AMZ1: variants seen among roughly 807,000 people sequenced by gnomAD.
AMZ1 encodes archaelysin family metallopeptidase 1.
In AMZ1, 39 loss-of-function variants were observed where a neutral mutation model predicts 29.9. That is an observed-to-expected ratio of 1.30 (90% CI 1.01 to 1.70). The LOEUF (loss-of-function observed/expected upper bound fraction) is 1.70. AMZ1 is among the 40% of genes most tolerant of loss of function. The pLI, the probability that AMZ1 is intolerant of heterozygous loss-of-function variation, is 0.00. For synonymous variants in AMZ1, 458 were observed against 304.0 expected (o/e 1.51, Z -5.27); for missense variants, 1,041 against 680.6 (o/e 1.53, Z -5.89).
chr7:2,732,611 C>CA (rs1178977784), intron 4 of AMZ1, among the ~76,000 whole-genome samples: 2 of 152,114 alleles, frequency 1.3e-5, no homozygotes, highest in Non-Finnish European at 2.9e-5. Flanking sequence ...GTGCACACAC[C>CA]ACTCAGGCAG....
chr7:2,753,390 A>G (rs1382139187), intron 4 of AMZ1, among the ~76,000 whole-genome samples: 1 of 68,158 alleles, frequency 1.5e-5, no homozygotes, highest in Non-Finnish European at 3.6e-5. Flanking sequence ...GGCTCAAGCC[A>G]TCCTCCCAAA....
At chr7:2,710,480 C>T (rs915719597) in intron 6 of AMZ1, among the ~76,000 whole-genome samples, 1 of 152,184 alleles carries the variant, frequency 6.6e-6, no homozygotes, top group Non-Finnish European at 1.5e-5. Flanking sequence ...CTGGAAAGCC[C>T]CTGCATCCTC....
At chr7:2,696,296 A>G (rs142738915) in intron 1 of AMZ1, among the ~76,000 whole-genome samples, 25,014 of 137,510 alleles carry the variant, frequency 0.18, 2,358 homozygotes, top group South Asian at 0.27. Flanking sequence ...TCGCTCTGTC[A>G]CCCAGGCTGG....
chr7:2,696,793 G>A (rs2115082715), intron 1 of AMZ1, among the ~76,000 whole-genome samples: 1 of 152,160 alleles, frequency 6.6e-6, no homozygotes, highest in South Asian at 2.1e-4. Flanking sequence ...GGCTAAGGCA[G>A]GAGAATCGCT....
downstream of AMZ1, among the ~76,000 whole-genome samples, chr7:2,721,242 G>A (rs370125145): frequency 5.8e-4 from 88 of 152,328 alleles, no homozygotes; most frequent in African/African-American, 1.9e-3. Context: ...AGGGACTAAG[G>A]CCTGAGCCGG....
intron 4 of AMZ1, among the ~76,000 whole-genome samples, chr7:2,757,129 C>T (rs798496): frequency 0.2 from 18,723 of 94,258 alleles, 2,806 homozygotes; most frequent in Non-Finnish European, 0.26. Flanking sequence ...TCAGGTGGGC[C>T]TTTTTTTTTT....
upstream of AMZ1, among the ~76,000 whole-genome samples, chr7:2,684,827 A>G (rs890250292): frequency 6.6e-6 from 1 of 151,144 alleles, no homozygotes; most frequent in African/African-American, 2.4e-5. Context: ...GGGCTGACCC[A>G]ACAGACAGAG....
intron 4 of AMZ1, among the ~76,000 whole-genome samples, chr7:2,725,435 C>T (rs1272249125): frequency 4.6e-5 from 7 of 152,228 alleles, no homozygotes; most frequent in Admixed American, 4.6e-4. Flanking sequence ...AATACTGCAG[C>T]CCAGAAATCC....
chr7:2,686,978 G>A (rs376796453), upstream of AMZ1, among the ~76,000 whole-genome samples: 153 of 151,934 alleles, frequency 1.0e-3, 1 homozygote, highest in African/African-American at 3.6e-3. Context: ...CTCCCAAAGT[G>A]CTGGGATTAC....
intron 4 of AMZ1, 99 bp downstream of exon 4, chr7:2,708,815 C>A (rs113438503): frequency 6.4e-6 from 10 of 1,566,008 alleles, no homozygotes; most frequent in Non-Finnish European, 8.7e-6. Context: ...GCTTCAAGCA[C>A]CCTCCTGGTG....
rs1788564922 is a variant in AMZ1 at position 2,709,057 on chromosome 7, C to T, written c.602-18C>T. The T allele has an allele frequency of 6.4e-7, 1 of 1,552,806 alleles. No homozygotes were observed. The highest frequency in any genetic ancestry group is 8.7e-7 in the Non-Finnish European group (1 of 1,151,342). ...AAGGCTGACCCCTGAGAGTGCCCTT[C>T]TCTCCATCTCTCTCCAGAAGTGGGC... is the stretch of plus-strand genomic sequence containing the variant. On this transcript the variant is annotated intron_variant, in intron 4 of 6. Transcript: ENST00000683327.
At position 2,719,606 on chromosome 7, in the gene AMZ1, AAATT is replaced by A. The variant is rs1413470042; in HGVS notation, c.*6729_*6732del. 1.3e-4 allele frequency among the ~76,000 whole-genome samples: 20 copies of A among 152,336 alleles called. No homozygotes were observed. The highest frequency in any genetic ancestry group is 3.9e-4 in the East Asian group (2 of 5,190). On this transcript the variant is annotated 3_prime_UTR_variant, in exon 7 of 7. Transcript: ENST00000683327. The stretch of plus-strand genomic sequence containing the variant: ...GATGGACGACTTTGATATACAAAAT[AAATT>A]GTTACTCAGCTTTTCTATAATGCTT...
chr7:2,763,897 T>G (rs903707722), upstream of AMZ1, among the ~76,000 whole-genome samples: 7 of 152,210 alleles, frequency 4.6e-5, no homozygotes, highest in Admixed American at 3.3e-4. Flanking sequence ...GGAGCTCAGC[T>G]GAGCTGTTGC....
chr7:2,686,424 C>G (rs995196313), upstream of AMZ1, among the ~76,000 whole-genome samples: 1 of 152,096 alleles, frequency 6.6e-6, no homozygotes, highest in Non-Finnish European at 1.5e-5. Flanking sequence ...GTCTCAGCTA[C>G]TCAGGAGGCT....
rs752311178 is a variant in AMZ1, at chr7:2,708,754, C to G, written c.601+38C>G. The G allele has an allele frequency of 2.5e-6, 4 of 1,610,516 alleles. No individual in the cohort carries two copies. The African/African-American group carries it at 5.3e-5, about 21-fold the overall frequency. On this transcript the variant is annotated intron_variant, in intron 4 of 6. Coordinates refer to ENST00000683327, the MANE Select transcript of AMZ1 (RefSeq NM_001384743.1). ...CCCAGCAGCTGTGCGTGGGGGGTAGCCTGGCATGGGGCTGTGGCCTCCGTG... is the reference window on the plus strand; with the variant it reads ...CCCAGCAGCTGTGCGTGGGGGGTAGGCTGGCATGGGGCTGTGGCCTCCGTG...
intron 4 of AMZ1, among the ~76,000 whole-genome samples, chr7:2,725,321 G>A (rs534230565): frequency 6.6e-6 from 1 of 152,360 alleles, no homozygotes; most frequent in East Asian, 1.9e-4. Flanking sequence ...GCTGCCCTGG[G>A]CCCGCGGCAC....
rs1378819829 is a variant in AMZ1, at chr7:2,715,034, A to G, written c.*2156A>G. The G allele has an allele frequency of 2.0e-5, 3 of 152,272 alleles. No individual in the cohort carries two copies. The highest frequency in any genetic ancestry group is 7.2e-5 in the African/African-American group (3 of 41,424). 9.4% of individuals were successfully genotyped at this position (152,272 alleles called of 1,614,324 possible). On this transcript the variant is annotated 3_prime_UTR_variant, in exon 7 of 7. Transcript: ENST00000683327. The stretch of plus-strand genomic sequence containing the variant: ...GGGAGGTAACTGTGCCAGAATAAAG[A>G]GGGGAGACGAAAAAAAGAGGGTCAC...
chr7:2,689,372 G>GGGGT (rs1554244938), intron 1 of AMZ1, among the ~76,000 whole-genome samples: 1 of 151,778 alleles, frequency 6.6e-6, no homozygotes, highest in Non-Finnish European at 1.5e-5. Flanking sequence ...AACCTCCCTG[G>GGGGT]GGGGGGGATG....
chr7:2,761,873 T>A (rs1321573687), upstream of AMZ1, among the ~76,000 whole-genome samples: 1 of 152,170 alleles, frequency 6.6e-6, no homozygotes, highest in African/African-American at 2.4e-5. Context: ...CAACGTAAAA[T>A]TCGGCTTCCA....
Sources: allele counts gnomAD v4.1 joint callset (sites outside exome capture counted in the v4.1 genomes callset), GRCh38; gene constraint gnomAD v4.1.1; transcripts MANE v1.5; gene names NCBI Gene and HGNC (gene_info 2026-07-23, HGNC 2026-07-21).